Variants in CNTN5 observed in about 807,000 individuals in gnomAD.
CNTN5 encodes the protein contactin-5.
Under a neutral mutation model 129.1 loss-of-function variants are expected in CNTN5, and 77 were observed. The ratio of observed to expected loss-of-function variants is 0.60; its 90% CI spans 0.50 to 0.72. CNTN5 has a LOEUF of 0.72. Ranked by LOEUF, CNTN5 falls within the 30% of genes least tolerant of loss-of-function variation. The pLI is 0.00. For synonymous variants in CNTN5, 509 were observed against 465.6 expected, an observed-to-expected ratio of 1.09 and a Z score of -1.20; for missense variants, 1,478 against 1,328.8, an observed-to-expected ratio of 1.11 and a Z score of -1.75.
intron 13 of CNTN5, among the ~76,000 whole-genome samples, chr11:100,084,598 G>A (rs1944478074): frequency 6.6e-6 from 1 of 151,878 alleles, no homozygotes; most frequent in Non-Finnish European, 1.5e-5. Context: ...TCATTTCCAT[G>A]AAATATAACA....
At chr11:100,287,400 G>A (rs1482874535) in intron 18 of CNTN5, among the ~76,000 whole-genome samples, 1 of 150,860 alleles carries the variant, frequency 6.6e-6, no homozygotes, top group East Asian at 1.9e-4. Context: ...CAGACTAACA[G>A]CGGATCTCTC....
intron 1 of CNTN5, among the ~76,000 whole-genome samples, chr11:99,295,922 T>TGA (rs1020488934): frequency 6.6e-6 from 1 of 151,080 alleles, no homozygotes; most frequent in Non-Finnish European, 1.5e-5. Context: ...TGACTGATTA[T>TGA]GAGGCAACGT....
At chr11:99,230,885 A>G (rs1294343578) in intron 1 of CNTN5, among the ~76,000 whole-genome samples, 1 of 152,142 alleles carries the variant, frequency 6.6e-6, no homozygotes, top group East Asian at 1.9e-4. Flanking sequence ...GTTCCCACTT[A>G]TAAGTGAAAA....
chr11:99,554,788 T>A lies in CNTN5; in HGVS notation c.-70-1357T>A, dbSNP rs184795910. Among the ~76,000 whole-genome samples, 261 of 152,230 alleles carry A rather than the reference T, an allele frequency of 1.7e-3. 1 individual carries two copies. The highest frequency in any genetic ancestry group is 5.8e-3 in the African/African-American group (243 of 41,566). On this transcript the variant is annotated intron_variant, in intron 2 of 24. Coordinates refer to ENST00000524871, the MANE Select transcript of CNTN5 (RefSeq NM_014361.4). ...ATCTCTCCAGTTATTATGTGTGATA[T>A]GTGGATTTTATTATTTTCCTTTCTG...
At chr11:99,127,471 A>G (rs1858697403) in intron 1 of CNTN5, among the ~76,000 whole-genome samples, 1 of 152,148 alleles carries the variant, frequency 6.6e-6, no homozygotes, top group Admixed American at 6.5e-5. Flanking sequence ...GAGTGAGCCC[A>G]CTGATCTAAC....
chr11:99,135,718 G>A (rs1353465544), intron 1 of CNTN5, among the ~76,000 whole-genome samples: 2 of 152,006 alleles, frequency 1.3e-5, no homozygotes, highest in African/African-American at 2.4e-5. Flanking sequence ...TGCTGACATT[G>A]TATTTTATCT....
intron 13 of CNTN5, among the ~76,000 whole-genome samples, chr11:100,098,755 T>A (rs1485394217): frequency 6.6e-6 from 1 of 152,064 alleles, no homozygotes; most frequent in Non-Finnish European, 1.5e-5. Flanking sequence ...CAGCCGCAGG[T>A]TGAGTCAGCA....
intron 13 of CNTN5, among the ~76,000 whole-genome samples, chr11:100,127,219 C>T (rs1946217510): frequency 6.7e-6 from 1 of 149,776 alleles, no homozygotes; most frequent in African/African-American, 2.5e-5. Context: ...GGATTATAGG[C>T]ATGAGCCACA....
intron 13 of CNTN5, among the ~76,000 whole-genome samples, chr11:100,131,009 C>T (rs567211522): frequency 5.5e-4 from 84 of 152,078 alleles, no homozygotes; most frequent in Middle Eastern, 3.4e-3. Flanking sequence ...AAGATGGTAA[C>T]GGAGAGCAGG....
intron 8 of CNTN5, among the ~76,000 whole-genome samples, chr11:99,957,919 A>G (rs185319097): frequency 2.0e-5 from 3 of 151,708 alleles, no homozygotes; most frequent in African/African-American, 7.3e-5. Flanking sequence ...AAATATGTGT[A>G]TTTATGTAAA....
chr11:99,691,529 GTTGT>G (rs2134787502), intron 3 of CNTN5, among the ~76,000 whole-genome samples: 1 of 152,160 alleles, frequency 6.6e-6, no homozygotes, highest in Non-Finnish European at 1.5e-5. Context: ...TCAGGAGCAG[GTTGT>G]TTGATTTTCA....
chr11:99,787,117 TTTA>T (rs1565531548), intron 3 of CNTN5, among the ~76,000 whole-genome samples: 28 of 150,688 alleles, frequency 1.9e-4, no homozygotes, highest in Admixed American at 4.6e-4. Flanking sequence ...TATTTATTTA[TTTA>T]TTATTATTAT....
chr11:99,249,102 G>A (rs1263507864), intron 1 of CNTN5, among the ~76,000 whole-genome samples: 1 of 152,130 alleles, frequency 6.6e-6, no homozygotes, highest in Non-Finnish European at 1.5e-5. Flanking sequence ...CCATGAGCAT[G>A]GAATGTTCTT....
chr11:99,804,216 C>G (rs1036891741), intron 3 of CNTN5, among the ~76,000 whole-genome samples: 12 of 151,828 alleles, frequency 7.9e-5, no homozygotes, highest in African/African-American at 2.7e-4. Context: ...ATGGTAGATA[C>G]ATTTATTTGG....
rs545150242 is a variant in CNTN5, at chr11:99,213,626, A to G, written c.-209-111720A>G. ...ATGTAATAAATTGCTAAATTTCATT[A>G]TTTAGTCAGGAAAGCCATAGTAGTT... On this transcript the variant is annotated intron_variant, in intron 1 of 24. Coordinates refer to ENST00000524871, the MANE Select transcript of CNTN5 (RefSeq NM_014361.4). Among the ~76,000 whole-genome samples the G allele has an allele frequency of 2.4e-4, 37 of 152,016 alleles. No homozygotes were observed. The South Asian group carries it at 5.4e-3, about 22-fold the overall frequency.
chr11:99,530,404 C>T (rs1947652305), intron 2 of CNTN5, among the ~76,000 whole-genome samples: 1 of 152,126 alleles, frequency 6.6e-6, no homozygotes, highest in African/African-American at 2.4e-5. Flanking sequence ...TATGATTTCC[C>T]TCATTGATTC....
chr11:99,169,395 T>C (rs1433587150), intron 1 of CNTN5, among the ~76,000 whole-genome samples: 1 of 151,898 alleles, frequency 6.6e-6, no homozygotes, highest in Non-Finnish European at 1.5e-5. Context: ...TGTGTGTGTA[T>C]TTAGTATAGA....
chr11:100,038,801 T>G (rs1478740624), intron 9 of CNTN5, among the ~76,000 whole-genome samples: 1 of 152,130 alleles, frequency 6.6e-6, no homozygotes, highest in Non-Finnish European at 1.5e-5. Context: ...CCCTGCCTTT[T>G]TTTGTTTTCC....
At chr11:99,377,175 G>C (rs768548515) in intron 2 of CNTN5, among the ~76,000 whole-genome samples, 1 of 152,058 alleles carries the variant, frequency 6.6e-6, no homozygotes, top group Non-Finnish European at 1.5e-5. Context: ...GAATGAAACA[G>C]AGCTAGAATT....
Sources: gnomAD v4.1 joint callset for allele counts (sites outside exome capture counted in the v4.1 genomes callset) on GRCh38, gnomAD v4.1.1 for gene constraint, MANE v1.5 for transcripts, NCBI Gene and HGNC (gene_info 2026-07-23, HGNC 2026-07-21) for gene names.